The following CPLX1 variants were observed in gnomAD, a reference collection of about 807,000 sequenced individuals.
CPLX1 encodes the protein complexin 1.
A neutral mutation model predicts 15.6 loss-of-function variants in CPLX1; 6 were observed. The ratio of observed to expected loss-of-function variants is 0.39; its 90% CI spans 0.21 to 0.76. The LOEUF is 0.76. CPLX1 is among the 30% of genes least tolerant of loss of function. The pLI, the probability that CPLX1 is intolerant of heterozygous loss-of-function variation, is 0.43. For synonymous variants in CPLX1, 91 were observed against 75.2 expected (o/e 1.21, Z -1.08); for missense variants, 242 against 188.6 (o/e 1.28, Z -1.66).
chr4:786,587 C>T lies in CPLX1; in HGVS notation c.319G>A (p.Asp107Asn), dbSNP rs763846677. The T allele has an allele frequency of 1.9e-6, 3 of 1,611,192 alleles. No homozygotes were observed. The highest frequency in any genetic ancestry group is 1.1e-5 in the South Asian group (1 of 90,542). The stretch of plus-strand genomic sequence containing the variant: ...CTCTCGTCCTCCTCCTCCACCTCGT[C>T]CCCGCAGCCCGGCGGGATGGCCTTC... ...PKKAIPPGCGDEVEEEDESIL... is the reference protein window; with the variant it reads ...PKKAIPPGCGNEVEEEDESIL... The change falls in exon 4 of 4, where the codon GAC (aspartate) becomes AAC (asparagine). Residue 107 changes from aspartate (D) to asparagine (N), a missense_variant. By Grantham distance (23) the Asp-to-Asn change is conservative. Coordinates refer to ENST00000304062, the MANE Select transcript of CPLX1 (RefSeq NM_006651.4).
At chr4:797,733 A>C (rs1337617597) in intron 2 of CPLX1, among the ~76,000 whole-genome samples, 2 of 151,484 alleles carry the variant, frequency 1.3e-5, no homozygotes, top group Non-Finnish European at 2.9e-5. Context: ...GGAGATCGAG[A>C]CCATCCTGGC....
intron 2 of CPLX1, among the ~76,000 whole-genome samples, chr4:795,805 T>TGGGGGGGGGGGGG (rs113411399): frequency 7.5e-5 from 7 of 93,402 alleles, no homozygotes; most frequent in African/African-American, 2.0e-4. Context: ...GGAGAGGGGG[T>TGGGGGGGGGGGGG]GGGGGGGGGG....
chr4:823,399 C>T (rs965041665), intron 2 of CPLX1, among the ~76,000 whole-genome samples: 9 of 152,218 alleles, frequency 5.9e-5, no homozygotes, highest in Admixed American at 4.6e-4. Context: ...GGGGAAGCGG[C>T]GCCTGCCCTC....
chr4:809,557 C>T (rs984241929), intron 2 of CPLX1, among the ~76,000 whole-genome samples: 1 of 152,224 alleles, frequency 6.6e-6, no homozygotes, highest in Non-Finnish European at 1.5e-5. Context: ...CCGTGGGGGC[C>T]ACATGTGTGA....
At chr4:787,929 G>A (rs1274119125) in intron 3 of CPLX1, 1 of 985,254 alleles carries the variant, frequency 1.0e-6, no homozygotes, top group Non-Finnish European at 1.2e-6. Context: ...TACGGAGCTG[G>A]ACTTCCATCC....
intron 3 of CPLX1, chr4:787,368 T>G: frequency 1.0e-6 from 1 of 985,326 alleles, no homozygotes; most frequent in Non-Finnish European, 1.2e-6. Context: ...CGTGAGTGCG[T>G]CTGCCCTCCG....
chr4:789,665 C>A (rs1251234978), intron 3 of CPLX1, among the ~76,000 whole-genome samples: 1 of 152,186 alleles, frequency 6.6e-6, no homozygotes, highest in Non-Finnish European at 1.5e-5. Context: ...AGTCTCCCTC[C>A]TGCTCCCTGG....
chr4:812,550 T>C (rs1201649182), intron 2 of CPLX1, among the ~76,000 whole-genome samples: 1 of 151,866 alleles, frequency 6.6e-6, no homozygotes, highest in Non-Finnish European at 1.5e-5. Context: ...TGGGCTTGAG[T>C]GTGGGGAAAT....
chr4:820,893 C>T (rs1746848840), intron 2 of CPLX1, among the ~76,000 whole-genome samples: 4 of 152,190 alleles, frequency 2.6e-5, no homozygotes, highest in Admixed American at 2.6e-4. Flanking sequence ...ACTCACAGCC[C>T]AGCCCCACGG....
chr4:803,395 T>G lies in CPLX1; in HGVS notation c.32-10787A>C, dbSNP rs564347937. 2.0e-5 allele frequency among the ~76,000 whole-genome samples: 3 copies of G among 149,078 alleles called. No homozygotes were observed. The South Asian group carries it at 6.5e-4, about 32-fold the overall frequency. ...ACCGAATTCTCACGGTGCCTTTTCT[T>G]TCCTTTTTTTTTTGAGACGGAATCT... On this transcript the variant is annotated intron_variant, in intron 2 of 3. Coordinates refer to ENST00000304062, the MANE Select transcript of CPLX1 (RefSeq NM_006651.4).
chr4:821,541 C>T (rs1331517936), intron 2 of CPLX1, among the ~76,000 whole-genome samples: 1 of 152,232 alleles, frequency 6.6e-6, no homozygotes, highest in Non-Finnish European at 1.5e-5. Flanking sequence ...TGAGGGTCTG[C>T]AGTGACCACG....
At chr4:808,272 ATCC>A (rs1462542948) in intron 2 of CPLX1, among the ~76,000 whole-genome samples, 4 of 150,012 alleles carry the variant, frequency 2.7e-5, no homozygotes, top group African/African-American at 9.9e-5. Context: ...ATAAATAAAA[ATCC>A]TCCTCCTGGG....
intron 3 of CPLX1, among the ~76,000 whole-genome samples, chr4:788,731 G>A (rs986826304): frequency 5.9e-5 from 9 of 151,626 alleles, no homozygotes; most frequent in African/African-American, 1.9e-4. Flanking sequence ...TGGGGAGAGC[G>A]ATGCCACTGG....
intron 2 of CPLX1, among the ~76,000 whole-genome samples, chr4:794,181 T>C (rs1235698907): frequency 6.6e-6 from 1 of 152,338 alleles, no homozygotes; most frequent in East Asian, 1.9e-4. Flanking sequence ...GGGAGGAGAA[T>C]AGCTTTTTGG....
intron 3 of CPLX1, chr4:786,954 T>A: frequency 1.0e-6 from 1 of 984,878 alleles, no homozygotes; most frequent in Non-Finnish European, 1.2e-6. Context: ...CCATCTTCCT[T>A]GAGAGGAGAG....
intron 2 of CPLX1, among the ~76,000 whole-genome samples, chr4:802,794 T>C (rs1577476731): frequency 6.6e-6 from 1 of 151,916 alleles, no homozygotes; most frequent in East Asian, 1.9e-4. Flanking sequence ...CTAAAAAAGA[T>C]ACAAAAATTA....
chr4:802,585 G>C lies in CPLX1; in HGVS notation c.32-9977C>G, dbSNP rs541645186. On this transcript the variant is annotated intron_variant, in intron 2 of 3. Coordinates refer to ENST00000304062, the MANE Select transcript of CPLX1 (RefSeq NM_006651.4). ...CATGACCAAATCACTAAGTATGGAAGCCCAAATATTAGAAACAAGGACGTA... is the reference window on the plus strand; with the variant it reads ...CATGACCAAATCACTAAGTATGGAACCCCAAATATTAGAAACAAGGACGTA... Among the ~76,000 whole-genome samples the C allele has an allele frequency of 3.9e-5, 6 of 152,306 alleles. No individual in the cohort carries two copies. In the East Asian group the frequency reaches 9.6e-4, roughly 24 times the overall value.
chr4:821,996 C>T (rs551258629), intron 2 of CPLX1, among the ~76,000 whole-genome samples: 39 of 152,324 alleles, frequency 2.6e-4, no homozygotes, highest in African/African-American at 7.7e-4. Context: ...CTCTGACGGG[C>T]GTGCACGTGT....
In CPLX1 at chr4:810,673, C is replaced by A. The variant is rs544122422; in HGVS notation, c.31+13819G>T. ...TCTTTGGGGGAATATCTATTCAAAT[C>A]TTTTGCACATTTTCTTTTTTCTTTT... On this transcript the variant is annotated intron_variant, in intron 2 of 3. Transcript: ENST00000304062. 2.6e-5 allele frequency among the ~76,000 whole-genome samples: 4 copies of A among 151,948 alleles called. No homozygotes were observed. In the East Asian group the frequency reaches 5.8e-4, roughly 22 times the overall value.
Sources: allele counts gnomAD v4.1 joint callset (sites outside exome capture counted in the v4.1 genomes callset), GRCh38; gene constraint gnomAD v4.1.1; transcripts MANE v1.5; gene names NCBI Gene and HGNC (gene_info 2026-07-23, HGNC 2026-07-21).